The following CEP104 variants were observed in gnomAD, a reference collection of about 807,000 sequenced individuals.
CEP104 encodes the protein centrosomal protein 104, also known as centrosomal protein of 104 kDa.
CEP104 carries 84 observed loss-of-function variants against 113.3 expected under a neutral mutation model. That is an observed-to-expected ratio of 0.74 (90% CI 0.62 to 0.89). CEP104 has a LOEUF of 0.89. Ranked by LOEUF, CEP104 falls within the 40% of genes least tolerant of loss-of-function variation. CEP104 has a pLI of 0.00. For synonymous variants in CEP104, 378 were observed against 421.7 expected (o/e 0.90, Z 1.27); for missense variants, 1,053 against 1,156.6 (o/e 0.91, Z 1.30).
rs753291959 is a variant in CEP104 at position 3,852,327 on chromosome 1, G to A, written c.81C>T (p.His27=). The stretch of plus-strand genomic sequence containing the variant: ...ACCGCCACCCACTGACAGTTGGCGC[G>A]TGGATCATGAGCTCCCGGGCACTGA... ...DGFSARELMI[H]APTVSGWRSP... is the part of the protein sequence containing the mutation. The change falls in exon 2 of 22, where the codon CAC becomes CAT. Residue 27 remains histidine, a synonymous_variant. Transcript: ENST00000378230. The A allele has an allele frequency of 1.1e-5, 18 of 1,614,024 alleles. No homozygotes were observed. The highest frequency in any genetic ancestry group is 3.3e-4 in the Middle Eastern group (2 of 6,062).
chr1:3,846,722 G>C (rs146087500), intron 4 of CEP104, among the ~76,000 whole-genome samples: 243 of 152,310 alleles, frequency 1.6e-3, no homozygotes, highest in African/African-American at 5.5e-3. Flanking sequence ...GGACCTTTGC[G>C]CTCTTGTCCA....
intron 2 of CEP104, 138 bp downstream of exon 2, chr1:3,852,157 A>C (rs1644623111): frequency 2.7e-6 from 2 of 730,268 alleles, no homozygotes; most frequent in Non-Finnish European, 4.2e-6. Context: ...GAGATGCCTG[A>C]CACTGCATGC....
Position 3,852,568 on chromosome 1 carries a change from T to G in CEP104, c.-14-147A>C, listed in dbSNP as rs1051631209. On this transcript the variant is annotated intron_variant, in intron 1 of 21. Coordinates refer to ENST00000378230, the MANE Select transcript of CEP104 (RefSeq NM_014704.4). ...CCCATCTCTTTGAAAAGAGTCTATTTTTTTTTGTTAAACACTTTTATAGAT... is the reference window on the plus strand; with the variant it reads ...CCCATCTCTTTGAAAAGAGTCTATTGTTTTTTGTTAAACACTTTTATAGAT... 9.6e-6 allele frequency: 7 copies of G among 725,486 alleles called. No homozygotes were observed. The African/African-American group carries it at 1.2e-4, about 13-fold the overall frequency. 44.9% of individuals were successfully genotyped at this position (725,486 alleles called of 1,614,324 possible).
Position 3,815,539 on chromosome 1 carries a change from T to C in CEP104, c.2663-22A>G, listed in dbSNP as rs4648409. The C allele has an allele frequency of 0.57, 881,815 of 1,535,868 alleles. 258,036 individuals carry two copies. The highest frequency in any genetic ancestry group is 0.87 in the African/African-American group (63,333 of 73,018). On this transcript the variant is annotated intron_variant, in intron 21 of 21. Coordinates refer to ENST00000378230, the MANE Select transcript of CEP104 (RefSeq NM_014704.4). ...TTCCCTGCAGAGCAAGCACAGGACC[T>C]GCATTAGGAGGGGCACTCCTACCCA...
In CEP104 at chr1:3,851,152, C is replaced by T. The variant is rs902820633; in HGVS notation, c.113+1143G>A. Among the ~76,000 whole-genome samples the T allele has an allele frequency of 5.3e-5, 8 of 152,094 alleles. No homozygotes were observed. The East Asian group carries it at 5.8e-4, about 11-fold the overall frequency. On this transcript the variant is annotated intron_variant, in intron 2 of 21. Coordinates refer to ENST00000378230, the MANE Select transcript of CEP104 (RefSeq NM_014704.4). Reference sequence around the variant, plus strand: ...GGCCACGGCCTGGGCAGTATCAGGACGCTGGCTCGCCTGCAATCCCAGCTC... The same window carrying T: ...GGCCACGGCCTGGGCAGTATCAGGATGCTGGCTCGCCTGCAATCCCAGCTC...
In CEP104 at chr1:3,848,531, C is replaced by CAA. The variant is rs371141201; in HGVS notation, c.287+75_287+76dup. The CAA allele has an allele frequency of 6.9e-3, 6,169 of 893,974 alleles. 25 individuals are homozygous for CAA. The highest frequency in any genetic ancestry group is 0.013 in the East Asian group (433 of 32,688). 55.4% of individuals were successfully genotyped at this position (893,974 alleles called of 1,614,324 possible). On this transcript the variant is annotated intron_variant, in intron 3 of 21. Transcript: ENST00000378230. ...TGGGTGACACAGCGAGACTCCATCT[C>CAA]AAAAAAAAAAAAAAAAGAGCTTTCA...
chr1:3,817,874 G>A (rs1177770573), intron 20 of CEP104, among the ~76,000 whole-genome samples: 7 of 152,240 alleles, frequency 4.6e-5, no homozygotes, highest in African/African-American at 1.7e-4. Context: ...CTGCTGTCGC[G>A]AGAACGCCGT....
At chr1:3,818,328 C>T (rs765202134) in intron 20 of CEP104, among the ~76,000 whole-genome samples, 1 of 152,232 alleles carries the variant, frequency 6.6e-6, no homozygotes, top group Non-Finnish European at 1.5e-5. Context: ...CTGCAGCCAC[C>T]TGTCTACCGG....
At chr1:3,820,549 T>C (rs577020289) in intron 20 of CEP104, among the ~76,000 whole-genome samples, 2 of 152,252 alleles carry the variant, frequency 1.3e-5, no homozygotes. Context: ...TGGCGGCCTC[T>C]GTCCAGGGTT....
intron 20 of CEP104, among the ~76,000 whole-genome samples, chr1:3,816,681 G>A (rs1445975536): frequency 6.6e-6 from 1 of 152,268 alleles, no homozygotes; most frequent in Admixed American, 6.5e-5. Context: ...GCACGCAAAT[G>A]CAAGGGTGAG....
intron 2 of CEP104, among the ~76,000 whole-genome samples, chr1:3,850,140 G>A (rs1644583521): frequency 1.3e-5 from 2 of 152,198 alleles, no homozygotes; most frequent in South Asian, 4.1e-4. Flanking sequence ...CGATGAAATC[G>A]ACTGATGATG....
chr1:3,826,266 T>C, intron 17 of CEP104, 104 bp downstream of exon 17: 1 of 931,646 alleles, frequency 1.1e-6, no homozygotes, highest in Non-Finnish European at 1.7e-6. Context: ...CCTTTTATGA[T>C]GACTACGAAG....
chr1:3,840,024 C>A (rs1312498736), intron 6 of CEP104, among the ~76,000 whole-genome samples: 1 of 152,194 alleles, frequency 6.6e-6, no homozygotes, highest in Admixed American at 6.5e-5. Flanking sequence ...TTCAGGGCAT[C>A]TGAGCCTCCA....
chr1:3,845,131 G>A, intron 5 of CEP104, 148 bp from the exon 6 acceptor site: 1 of 866,530 alleles, frequency 1.2e-6, no homozygotes, highest in Non-Finnish European at 1.8e-6. Context: ...TTAAAGAAAA[G>A]TTTCATATGC....
Position 3,815,090 on chromosome 1 carries a change from C to CT in CEP104, c.*311_*312insA, listed in dbSNP as rs3838969. The CT allele has an allele frequency of 0.63, 212,487 of 338,254 alleles. 69,707 individuals are homozygous for CT. The highest frequency in any genetic ancestry group is 0.89 in the African/African-American group (41,130 of 46,186). 21.0% of individuals were successfully genotyped at this position (338,254 alleles called of 1,614,324 possible). On this transcript the variant is annotated 3_prime_UTR_variant, in exon 22 of 22. Coordinates refer to ENST00000378230, the MANE Select transcript of CEP104 (RefSeq NM_014704.4). ...ACCGTGGCCTTGCGCGAGCGCCTCC[C>CT]GGCGGTGCTCTCTGGCTCTCTCCAA...
At chr1:3,855,711 G>T (rs4648348) in intron 1 of CEP104, among the ~76,000 whole-genome samples, 50,690 of 151,976 alleles carry the variant, frequency 0.33, 9,814 homozygotes, top group Admixed American at 0.45. Context: ...AGACCTTCCA[G>T]TTGTACCCTA....
intron 15 of CEP104, among the ~76,000 whole-genome samples, chr1:3,827,875 G>A (rs1166897298): frequency 6.6e-6 from 1 of 152,226 alleles, no homozygotes; most frequent in Non-Finnish European, 1.5e-5. Flanking sequence ...CCATGAGGGT[G>A]GGACTTTGCT....
At chr1:3,848,912 G>A (rs1395118829) in intron 2 of CEP104, 131 bp from the exon 3 acceptor site, 2 of 656,662 alleles carry the variant, frequency 3.0e-6, no homozygotes, top group Non-Finnish European at 5.1e-6. Context: ...TGTAGGTACT[G>A]ATGGTACAAA....
At chr1:3,832,056 G>C (rs927852057) in intron 12 of CEP104, among the ~76,000 whole-genome samples, 4 of 152,212 alleles carry the variant, frequency 2.6e-5, no homozygotes. Context: ...ATTGCCTTAA[G>C]GTTGTCTCAC....
Sources: gnomAD v4.1 joint callset for allele counts (sites outside exome capture counted in the v4.1 genomes callset) on GRCh38, gnomAD v4.1.1 for gene constraint, MANE v1.5 for transcripts, NCBI Gene and HGNC (gene_info 2026-07-23, HGNC 2026-07-21) for gene names.